RBFOX1: variants seen among roughly 807,000 people sequenced by gnomAD.
RBFOX1 encodes RNA binding protein fox-1 homolog 1.
RBFOX1 carries 8 observed loss-of-function variants against 57.7 expected under a neutral mutation model. The observed-to-expected ratio is 0.14, with a 90% CI of 0.08 to 0.25. The LOEUF is 0.25. Ranked by LOEUF, RBFOX1 falls within the 10% of genes least tolerant of loss-of-function variation. The probability of loss-of-function intolerance (pLI) is 1.00; values close to 1 mark genes in which losing one functional copy is unlikely to be tolerated. For synonymous variants in RBFOX1, 326 were observed against 222.4 expected (o/e 1.47, Z -4.15); for missense variants, 611 against 548.5 (o/e 1.11, Z -1.14).
chr16:6,713,426 T>C (rs2064119787), intron 3 of RBFOX1, among the ~76,000 whole-genome samples: 2 of 152,014 alleles, frequency 1.3e-5, no homozygotes, highest in African/African-American at 4.8e-5. Context: ...TTCTCAACCT[T>C]GGTATTGGGA....
At chr16:7,056,825 T>A (rs932703128) in intron 4 of RBFOX1, among the ~76,000 whole-genome samples, 1 of 152,186 alleles carries the variant, frequency 6.6e-6, no homozygotes, top group Non-Finnish European at 1.5e-5. Flanking sequence ...ATTCAAATAC[T>A]GATCTGCAAT....
chr16:7,460,370 A>AAAAAAAATATATATAT (rs1251870828), intron 4 of RBFOX1, among the ~76,000 whole-genome samples: 2 of 76,036 alleles, frequency 2.6e-5, no homozygotes, highest in African/African-American at 1.4e-4. Flanking sequence ...CATTTAGCAA[A>AAAAAAAATATATATAT]ATATATATAT....
intron 3 of RBFOX1, among the ~76,000 whole-genome samples, chr16:6,737,592 C>A (rs2070764012): frequency 6.6e-6 from 1 of 152,234 alleles, no homozygotes; most frequent in African/African-American, 2.4e-5. Context: ...TGTTTTCTCG[C>A]CCGAGGCTCA....
intron 1 of RBFOX1, chr16:6,037,678 T>G (rs1461079703): frequency 6.6e-6 from 1 of 152,120 alleles, no homozygotes; most frequent in African/African-American, 2.4e-5. Flanking sequence ...CACTGCAACC[T>G]CCGCCTCCTG....
chr16:7,398,193 C>G (rs138342701), intron 4 of RBFOX1, among the ~76,000 whole-genome samples: 1 of 152,314 alleles, frequency 6.6e-6, no homozygotes, highest in East Asian at 1.9e-4. Context: ...ATGCCTCAGA[C>G]GCTTATGCTT....
rs552546441 is a variant in RBFOX1, at chr16:7,353,655, A to G, written c.28-164492A>G. The stretch of plus-strand genomic sequence containing the variant: ...AATGAAATGATGTCTTACATGCTGT[A>G]GTGTGGATGAACCTTGAGAATGTTG... On this transcript the variant is annotated intron_variant, in intron 4 of 15. Transcript: ENST00000550418. Among the ~76,000 whole-genome samples the G allele has an allele frequency of 3.3e-5, 5 of 152,358 alleles. No homozygotes were observed. In the South Asian group the frequency reaches 6.2e-4, roughly 19 times the overall value.
rs57553411 is a variant in RBFOX1, at chr16:7,464,688, C to CT, written c.28-53433dup. Among the ~76,000 whole-genome samples, 137 of 62,268 alleles carry CT rather than the reference C, an allele frequency of 2.2e-3. 14 individuals are homozygous for CT. The highest frequency in any genetic ancestry group is 0.015 in the Middle Eastern group (1 of 68). The allele number at this position is 62,268 out of a possible 152,430, so 40.9% of individuals were successfully genotyped here. A position where few individuals can be genotyped will look rare whatever the true frequency, so the allele number is the denominator to read the frequency against. ...CCGAAATACTTCTTGTATTGTCTGT[C>CT]TTTTTTTTTTTTTTTTTTTTTTTTT... is the stretch of plus-strand genomic sequence containing the variant. On this transcript the variant is annotated intron_variant, in intron 4 of 15. Transcript: ENST00000550418.
chr16:6,740,545 C>T (rs1170795709), intron 3 of RBFOX1, among the ~76,000 whole-genome samples: 2 of 152,186 alleles, frequency 1.3e-5, no homozygotes, highest in African/African-American at 2.4e-5. Flanking sequence ...TCACCAAAGT[C>T]ACAGGATATG....
At chr16:5,520,413 C>A (rs1358451201) in intron 2 of RBFOX1, among the ~76,000 whole-genome samples, 1 of 152,200 alleles carries the variant, frequency 6.6e-6, no homozygotes, top group Non-Finnish European at 1.5e-5. Context: ...ATGGCTAACT[C>A]ACCCCCTGTC....
Position 6,838,549 on chromosome 16 carries a change from C to G in RBFOX1, c.-16+183899C>G, listed in dbSNP as rs74009328. 7.0e-3 allele frequency among the ~76,000 whole-genome samples: 1,070 copies of G among 152,300 alleles called. 14 individuals carry two copies. Among genetic ancestry groups the G allele is most frequent in the African/African-American group, 0.024 (1,000 of 41,554 alleles). On this transcript the variant is annotated intron_variant, in intron 3 of 15. Coordinates refer to ENST00000550418, the MANE Select transcript of RBFOX1 (RefSeq NM_018723.4). The stretch of plus-strand genomic sequence containing the variant: ...GCAAAACTGCTTCTGAGCTGCTACT[C>G]TGCACACACTGCCTATGAGGTAGTC...
chr16:7,279,186 C>G (rs2141087773), intron 4 of RBFOX1, among the ~76,000 whole-genome samples: 1 of 150,670 alleles, frequency 6.6e-6, no homozygotes, highest in African/African-American at 2.4e-5. Context: ...TGCTGAGTGC[C>G]TACCCTCTCT....
intron 2 of RBFOX1, among the ~76,000 whole-genome samples, chr16:6,331,551 A>C (rs541820462): frequency 1.0e-4 from 15 of 149,862 alleles, no homozygotes; most frequent in African/African-American, 2.7e-4. Flanking sequence ...CTCTCTATAT[A>C]TATATATGTA....
Position 5,947,173 on chromosome 16 carries a change from G to A in RBFOX1, c.351+79838G>A, listed in dbSNP as rs1449256464. 2.6e-5 allele frequency among the ~76,000 whole-genome samples: 4 copies of A among 152,138 alleles called. No homozygotes were observed. Among genetic ancestry groups the A allele is most frequent in the Admixed American group, 6.5e-5 (1 of 15,272 alleles). On this transcript the variant is annotated intron_variant, in intron 4 of 19. Coordinates refer to the RBFOX1 transcript ENST00000641259. The surrounding 1 kb of genome is among the most constrained non-coding windows in gnomAD (Gnocchi z 7.2). ...TGAGGTTGCAGCGAGCCGTGATTCT[G>A]CCACTGCTCTCCAGCCTGGGTGGCA...
At chr16:7,639,363 G>C (rs1217675434) in intron 11 of RBFOX1, among the ~76,000 whole-genome samples, 1 of 152,202 alleles carries the variant, frequency 6.6e-6, no homozygotes, top group African/African-American at 2.4e-5. Context: ...CTATGGTTCA[G>C]CATTACGGTG....
At chr16:7,130,560 G>C (rs1237418326) in intron 4 of RBFOX1, among the ~76,000 whole-genome samples, 3 of 152,156 alleles carry the variant, frequency 2.0e-5, no homozygotes, top group African/African-American at 7.2e-5. Context: ...ATGATGGAGT[G>C]AAACAGTGAG....
chr16:6,604,361 G>C (rs2097897347), intron 2 of RBFOX1, among the ~76,000 whole-genome samples: 6 of 151,776 alleles, frequency 4.0e-5, no homozygotes, highest in Admixed American at 6.6e-5. Context: ...TTTTTTTTAA[G>C]AGATAGGGCC....
intron 4 of RBFOX1, among the ~76,000 whole-genome samples, chr16:5,988,105 C>G (rs538014687): frequency 6.6e-6 from 1 of 152,156 alleles, no homozygotes; most frequent in Non-Finnish European, 1.5e-5. Flanking sequence ...AAAATTCAGA[C>G]CCGATTCAAT....
chr16:6,094,332 C>G (rs897266034), intron 1 of RBFOX1, among the ~76,000 whole-genome samples: 12 of 152,124 alleles, frequency 7.9e-5, no homozygotes, highest in African/African-American at 2.7e-4. Flanking sequence ...ATCAACTATT[C>G]CATTTCTTTT....
chr16:6,989,193 G>A (rs898558047), intron 3 of RBFOX1, among the ~76,000 whole-genome samples: 3 of 152,104 alleles, frequency 2.0e-5, no homozygotes, highest in Non-Finnish European at 2.9e-5. Context: ...ACTGTGCTTG[G>A]CCTCTTTTTC....
Sources: allele counts gnomAD v4.1 joint callset (sites outside exome capture counted in the v4.1 genomes callset), GRCh38; gene constraint gnomAD v4.1.1; non-coding constraint Gnocchi (gnomAD v3.1); transcripts MANE v1.5; gene names NCBI Gene and HGNC (gene_info 2026-07-23, HGNC 2026-07-21).